Variants in SBNO1 observed in about 807,000 individuals in gnomAD.
The protein encoded by SBNO1 is strawberry notch homolog 1.
In SBNO1, 23 loss-of-function variants were observed where a neutral mutation model predicts 173.6. The observed-to-expected ratio is 0.13, with a 90% CI of 0.10 to 0.19. SBNO1 has a LOEUF of 0.19. Among genes scored for constraint, SBNO1 ranks in the 10% least tolerant of loss-of-function variants. The probability of loss-of-function intolerance (pLI) is 1.00; values close to 1 mark genes in which losing one functional copy is unlikely to be tolerated. For missense variants in SBNO1, 1,238 were observed against 1,671.2 expected (o/e 0.74, Z 4.52); for synonymous variants, 632 against 571.5 (o/e 1.11, Z -1.51).
intron 15 of SBNO1, 48 bp downstream of exon 15, chr12:123,325,454 G>A (rs1303965265): frequency 7.5e-7 from 1 of 1,336,782 alleles, no homozygotes; most frequent in Non-Finnish European, 1.1e-6. Context: ...ACTAAGGTAA[G>A]GAAGAACTCA....
chr12:123,332,586 A>G (rs1441564580), intron 7 of SBNO1, among the ~76,000 whole-genome samples: 4 of 150,798 alleles, frequency 2.7e-5, no homozygotes, highest in African/African-American at 7.3e-5. Context: ...AGTTTTTTTC[A>G]GACAGAGTCT....
chr12:123,315,901 CAA>C (rs1423739139), intron 21 of SBNO1, among the ~76,000 whole-genome samples: 1 of 152,154 alleles, frequency 6.6e-6, no homozygotes, highest in Non-Finnish European at 1.5e-5. Context: ...TGGATTTTCC[CAA>C]AATTGTTTTT....
chr12:123,305,929 G>A (rs145797490), intron 28 of SBNO1, among the ~76,000 whole-genome samples: 38 of 152,094 alleles, frequency 2.5e-4, no homozygotes, highest in Admixed American at 6.6e-4. Flanking sequence ...GGAGCAAAAC[G>A]GAAGGAAAAA....
intron 21 of SBNO1, among the ~76,000 whole-genome samples, chr12:123,316,714 T>G (rs1169815469): frequency 6.7e-6 from 1 of 149,634 alleles, no homozygotes; most frequent in African/African-American, 2.4e-5. Flanking sequence ...TTTTTTTTTT[T>G]TTTTTTGAGA....
At position 123,345,295 on chromosome 12, in the gene SBNO1, T is replaced by C. The variant is rs1364395179; in HGVS notation, c.513A>G (p.Pro171=). The C allele has an allele frequency of 6.2e-7, 1 of 1,614,152 alleles. No individual in the cohort carries two copies. Among genetic ancestry groups the C allele is most frequent in the Non-Finnish European group, 8.5e-7 (1 of 1,179,998 alleles). The change falls in exon 4 of 32, where the codon CCA becomes CCG. Residue 171 remains proline (P), a synonymous_variant. Coordinates refer to ENST00000602398, the MANE Select transcript of SBNO1 (RefSeq NM_001167856.3). Reference sequence around the variant, plus strand: ...CTACTGGCTGAGCAATATTAGCAGGTGGCTTTAGTTTCATCAGTTCATTAA... The same window carrying C: ...CTACTGGCTGAGCAATATTAGCAGGCGGCTTTAGTTTCATCAGTTCATTAA... The part of the protein sequence containing the change: ...NSLNELMKLK[P]PANIAQPVAT...
At position 123,308,446 on chromosome 12, in the gene SBNO1, A is replaced by G. The variant is rs550389096; in HGVS notation, c.3630+864T>C. Among the ~76,000 whole-genome samples the G allele has an allele frequency of 3.9e-5, 6 of 152,264 alleles. No individual in the cohort carries two copies. The East Asian group carries it at 9.7e-4, about 25-fold the overall frequency. ...AGCACTTTGGGAGGCCAAGGCGGGC[A>G]GATCACGAGGTCAGGAGATCGAGAC... On this transcript the variant is annotated intron_variant, in intron 28 of 31. Transcript: ENST00000602398.
chr12:123,334,992 C>T (rs1407279571), intron 6 of SBNO1, among the ~76,000 whole-genome samples: 2 of 152,164 alleles, frequency 1.3e-5, no homozygotes. Flanking sequence ...AGTTCAAGAC[C>T]AGCCTTGGCA....
Position 123,316,703 on chromosome 12 carries a change from CTT to C in SBNO1, c.2935+516_2935+517del, listed in dbSNP as rs545944754. Among the ~76,000 whole-genome samples, 148 of 123,874 alleles carry C rather than the reference CTT, an allele frequency of 1.2e-3. 1 individual carries two copies. Among genetic ancestry groups the C allele is most frequent in the Non-Finnish European group, 1.9e-3 (119 of 61,464 alleles). 81.3% of individuals were successfully genotyped at this position (123,874 alleles called of 152,430 possible). A position where few individuals can be genotyped will look rare whatever the true frequency, so the allele number is the denominator to read the frequency against. ...CCCAGCAAGTTTTTCTTTTCTTCTT[CTT>C]TTTTTTTTTTTTTTTGAGATGGAAT... On this transcript the variant is annotated intron_variant, in intron 21 of 31. Transcript: ENST00000602398.
chr12:123,364,779 G>T lies in SBNO1; in HGVS notation c.-79C>A. 5.1e-6 allele frequency: 5 copies of T among 987,476 alleles called. No individual in the cohort carries two copies. Among genetic ancestry groups the T allele is most frequent in the Non-Finnish European group, 6.0e-6 (5 of 831,552 alleles). 61.2% of individuals were successfully genotyped at this position (987,476 alleles called of 1,614,324 possible). A position where few individuals can be genotyped will look rare whatever the true frequency, so the allele number is the denominator to read the frequency against. On this transcript the variant is annotated 5_prime_UTR_variant, in exon 1 of 32. Coordinates refer to ENST00000602398, the MANE Select transcript of SBNO1 (RefSeq NM_001167856.3). Reference sequence around the variant, plus strand: ...AAGGACCAGAGGCGACTGGAGCGGAGGCGGCGGTGGCGGCGGCAGCAGCGG... The same window carrying T: ...AAGGACCAGAGGCGACTGGAGCGGATGCGGCGGTGGCGGCGGCAGCAGCGG...
chr12:123,298,425 G>C (rs574285267), intron 30 of SBNO1, among the ~76,000 whole-genome samples: 1 of 151,956 alleles, frequency 6.6e-6, no homozygotes, highest in African/African-American at 2.4e-5. Context: ...TGTTGTTGTT[G>C]TTTTGTATTT....
chr12:123,305,038 C>T (rs561937141), intron 28 of SBNO1, among the ~76,000 whole-genome samples: 12 of 152,250 alleles, frequency 7.9e-5, no homozygotes, highest in South Asian at 6.2e-4. Context: ...ACCTGGAATC[C>T]CAGTCAAGCA....
chr12:123,319,075 T>C (rs1869657414), intron 20 of SBNO1, among the ~76,000 whole-genome samples: 1 of 149,690 alleles, frequency 6.7e-6, no homozygotes, highest in Non-Finnish European at 1.5e-5. Context: ...GCTATTCTCC[T>C]CCCTCAGCCT....
In SBNO1 at chr12:123,292,154, A is replaced by G. The variant is rs1256416455; in HGVS notation, c.*3754T>C. The G allele has an allele frequency of 1.3e-5, 2 of 152,152 alleles. No homozygotes were observed. The highest frequency in any genetic ancestry group is 2.9e-5 in the Non-Finnish European group (2 of 68,050). 9.4% of individuals were successfully genotyped at this position (152,152 alleles called of 1,614,324 possible). On this transcript the variant is annotated 3_prime_UTR_variant, in exon 32 of 32. Transcript: ENST00000602398. ...TTAGCCAGGGAGACCGAAGCCACAC[A>G]GAAGGGGAGTCAGTAAATGTCCATC...
At chr12:123,327,340 G>T in intron 13 of SBNO1, 86 bp downstream of exon 13, 2 of 1,077,318 alleles carry the variant, frequency 1.9e-6, no homozygotes, top group Non-Finnish European at 2.8e-6. Flanking sequence ...CATTCCCATG[G>T]GCAGGAGGCA....
chr12:123,343,681 GTGCCCATCATCA>G (rs1369479635), intron 4 of SBNO1, among the ~76,000 whole-genome samples: 1 of 151,938 alleles, frequency 6.6e-6, no homozygotes, highest in Non-Finnish European at 1.5e-5. Context: ...GGAATTACAG[GTGCCCATCATCA>G]TGCCCAGCTA....
chr12:123,342,107 C>T (rs1175844194), intron 4 of SBNO1, among the ~76,000 whole-genome samples: 2 of 151,922 alleles, frequency 1.3e-5, no homozygotes, highest in South Asian at 2.1e-4. Flanking sequence ...CAAAATTAGC[C>T]GGGCATGGTG....
rs1164773021 is a variant in SBNO1, at chr12:123,336,511, C to A, written c.652-20G>T. ...AACCTTCTGCAACACAGAAAGAGCA[C>A]AATCAATCCCAAATCCAGGGACCAG... On this transcript the variant is annotated intron_variant, in intron 5 of 31. Coordinates refer to ENST00000602398, the MANE Select transcript of SBNO1 (RefSeq NM_001167856.3). 2.7e-6 allele frequency: 4 copies of A among 1,508,810 alleles called. No homozygotes were observed. In the South Asian group the frequency reaches 3.5e-5, roughly 13 times the overall value. 93.5% of individuals were successfully genotyped at this position (1,508,810 alleles called of 1,614,324 possible).
rs1286200169 is a variant in SBNO1 at position 123,289,131 on chromosome 12, G to GA, written c.*6776dup. On this transcript the variant is annotated 3_prime_UTR_variant, in exon 32 of 32. Transcript: ENST00000602398. ...CCGTGACTCGTATTTAATTTATTTA[G>GA]AATCTTACAAAAACAAAAAACAAAA... 2 of 151,954 alleles carry GA rather than the reference G, an allele frequency of 1.3e-5. No individual in the cohort carries two copies. The highest frequency in any genetic ancestry group is 4.8e-5 in the African/African-American group (2 of 41,318). 9.4% of individuals were successfully genotyped at this position (151,954 alleles called of 1,614,324 possible). A position where few individuals can be genotyped will look rare whatever the true frequency, so the allele number is the denominator to read the frequency against.
At position 123,292,384 on chromosome 12, in the gene SBNO1, G is replaced by C. The variant is rs2048524904; in HGVS notation, c.*3524C>G. On this transcript the variant is annotated 3_prime_UTR_variant, in exon 32 of 32. Coordinates refer to ENST00000602398, the MANE Select transcript of SBNO1 (RefSeq NM_001167856.3). ...ACTTCTGCCCCTACTTCCATGAAGT[G>C]AGATGCAACAATCATTTCCAATCTA... The C allele has an allele frequency of 6.6e-6, 1 of 152,168 alleles. No individual in the cohort carries two copies. Among genetic ancestry groups the C allele is most frequent in the Non-Finnish European group, 1.5e-5 (1 of 68,044 alleles). The allele number at this position is 152,168 out of a possible 1,614,324, so 9.4% of individuals were successfully genotyped here.
Sources: gnomAD v4.1 joint callset for allele counts (sites outside exome capture counted in the v4.1 genomes callset) on GRCh38, gnomAD v4.1.1 for gene constraint, MANE v1.5 for transcripts, NCBI Gene and HGNC (gene_info 2026-07-23, HGNC 2026-07-21) for gene names.